CCBE1: variants seen among roughly 807,000 people sequenced by gnomAD.
The protein encoded by CCBE1 is collagen and calcium-binding EGF domain-containing protein 1.
A neutral mutation model predicts 50.0 loss-of-function variants in CCBE1; 37 were observed. The ratio of observed to expected loss-of-function variants is 0.74; its 90% CI spans 0.57 to 0.97. The LOEUF is 0.97. CCBE1 is among the 50% of genes least tolerant of loss of function. The pLI is 0.00. For synonymous variants in CCBE1, 234 were observed against 203.7 expected (o/e 1.15, Z -1.27); for missense variants, 538 against 523.8 (o/e 1.03, Z -0.26).
At chr18:59,461,620 C>G (rs747813997) in intron 5 of CCBE1, among the ~76,000 whole-genome samples, 13 of 151,748 alleles carry the variant, frequency 8.6e-5, no homozygotes, top group Non-Finnish European at 1.8e-4. Context: ...GGAGAGCACC[C>G]TTAGTAGAGT....
At chr18:59,648,134 A>T (rs541913038) in intron 2 of CCBE1, among the ~76,000 whole-genome samples, 2 of 152,370 alleles carry the variant, frequency 1.3e-5, no homozygotes, top group South Asian at 4.1e-4. Context: ...AAACACAGGG[A>T]GCTGTGGACC....
intron 5 of CCBE1, among the ~76,000 whole-genome samples, chr18:59,463,866 C>A (rs1911613835): frequency 6.6e-6 from 1 of 152,172 alleles, no homozygotes; most frequent in Non-Finnish European, 1.5e-5. Context: ...AATGGACTTG[C>A]CAGGCTGGGC....
At chr18:59,508,924 T>A (rs1261539623) in intron 2 of CCBE1, among the ~76,000 whole-genome samples, 1 of 152,116 alleles carries the variant, frequency 6.6e-6, no homozygotes, top group Non-Finnish European at 1.5e-5. Flanking sequence ...GCAACTTATA[T>A]TCAAGGCCAA....
chr18:59,622,713 A>T (rs1293538939), intron 2 of CCBE1, among the ~76,000 whole-genome samples: 1 of 151,462 alleles, frequency 6.6e-6, no homozygotes, highest in African/African-American at 2.4e-5. Flanking sequence ...AGGCAGGAGA[A>T]TCACTTGAAC....
chr18:59,677,081 A>G (rs911831726), intron 2 of CCBE1, among the ~76,000 whole-genome samples: 4 of 152,152 alleles, frequency 2.6e-5, no homozygotes, highest in East Asian at 1.9e-4. Context: ...AAGCCTGGGT[A>G]TTTTAAGGTT....
intron 2 of CCBE1, among the ~76,000 whole-genome samples, chr18:59,677,102 C>G (rs183141891): frequency 1.3e-5 from 2 of 152,228 alleles, no homozygotes; most frequent in Admixed American, 1.3e-4. Context: ...CAGGATCATA[C>G]CTTCTGCTAC....
At chr18:59,514,987 C>T (rs1393923961) in intron 2 of CCBE1, among the ~76,000 whole-genome samples, 1 of 152,184 alleles carries the variant, frequency 6.6e-6, no homozygotes, top group Non-Finnish European at 1.5e-5. Context: ...AGCTGAGAAG[C>T]AGGAAGCTCT....
chr18:59,492,347 T>C (rs149795168), intron 2 of CCBE1, among the ~76,000 whole-genome samples: 1 of 152,172 alleles, frequency 6.6e-6, no homozygotes, highest in East Asian at 1.9e-4. Context: ...CCCTTTTATC[T>C]ATGGTAACCG....
Position 59,657,330 on chromosome 18 carries a change from G to T in CCBE1, c.212+39299C>A, listed in dbSNP as rs569093656. ...GGCTGAACAGCCAGGGAATGCCAAG[G>T]CTGTGACTATAGACTGAAAAATTAC... On this transcript the variant is annotated intron_variant, in intron 2 of 10. Coordinates refer to ENST00000439986, the MANE Select transcript of CCBE1 (RefSeq NM_133459.4). Among the ~76,000 whole-genome samples, 472 of 152,256 alleles carry T rather than the reference G, an allele frequency of 3.1e-3. 2 individuals are homozygous for T. The highest frequency in any genetic ancestry group is 0.01 in the African/African-American group (434 of 41,550).
At chr18:59,687,560 C>A (rs1205738250) in intron 2 of CCBE1, among the ~76,000 whole-genome samples, 1 of 152,208 alleles carries the variant, frequency 6.6e-6, no homozygotes, top group Non-Finnish European at 1.5e-5. Context: ...AGACTGTTCT[C>A]TCCTTCTCCA....
intron 7 of CCBE1, among the ~76,000 whole-genome samples, chr18:59,444,321 T>C (rs1910577557): frequency 6.6e-6 from 1 of 152,074 alleles, no homozygotes; most frequent in Admixed American, 6.6e-5. Flanking sequence ...TATATACATT[T>C]TTTTTAGTTA....
chr18:59,435,841 C>G lies in CCBE1; in HGVS notation c.*67G>C. On this transcript the variant is annotated 3_prime_UTR_variant, in exon 11 of 11. Transcript: ENST00000439986. ...CTAGGTCTCCAGTGGTCTTTCTTCT[C>G]TTTAGATGGTTTAACTGCAGGTGAG... 7.1e-7 allele frequency: 1 copy of G among 1,402,754 alleles called. No individual in the cohort carries two copies. The highest frequency in any genetic ancestry group is 1.4e-5 in the African/African-American group (1 of 70,748). 86.9% of individuals were successfully genotyped at this position (1,402,754 alleles called of 1,614,324 possible).
chr18:59,559,162 T>C (rs552591306), intron 2 of CCBE1, among the ~76,000 whole-genome samples: 2 of 151,898 alleles, frequency 1.3e-5, no homozygotes, highest in Non-Finnish European at 2.9e-5. Context: ...TGGGAGGCAG[T>C]AGATGGGGTC....
At chr18:59,643,583 C>A (rs547607390) in intron 2 of CCBE1, among the ~76,000 whole-genome samples, 1 of 152,188 alleles carries the variant, frequency 6.6e-6, no homozygotes, top group Non-Finnish European at 1.5e-5. Flanking sequence ...TCACTTTAGG[C>A]CAGGAGTTCA....
intron 2 of CCBE1, among the ~76,000 whole-genome samples, chr18:59,658,392 TATATATATATATATATATATATATA>T: frequency 2.8e-5 from 1 of 35,810 alleles, no homozygotes; most frequent in African/African-American, 1.2e-4. Context: ...TATATATATA[TATATATATATATATATATATATATA>T]AAGTTAGCTA....
At chr18:59,521,414 CTTTG>C (rs766370950) in intron 2 of CCBE1, among the ~76,000 whole-genome samples, 13 of 152,212 alleles carry the variant, frequency 8.5e-5, no homozygotes, top group African/African-American at 1.9e-4. Context: ...TGAACACATT[CTTTG>C]TTTGTTTTTT....
At chr18:59,663,876 G>A (rs1322108757) in intron 2 of CCBE1, among the ~76,000 whole-genome samples, 1 of 152,132 alleles carries the variant, frequency 6.6e-6, no homozygotes, top group Non-Finnish European at 1.5e-5. Flanking sequence ...CTGGGAAGTT[G>A]GTGAAGTCAC....
chr18:59,522,451 TAAGAA>T (rs1914640626), intron 2 of CCBE1, among the ~76,000 whole-genome samples: 1 of 152,226 alleles, frequency 6.6e-6, no homozygotes, highest in African/African-American at 2.4e-5. Context: ...TAGACACATT[TAAGAA>T]AAGTTAATAA....
In CCBE1 at chr18:59,479,982, G is replaced by A. The variant is rs1789475; in HGVS notation, c.265+204C>T. Among the ~76,000 whole-genome samples the A allele has an allele frequency of 0.66, 101,168 of 152,142 alleles. 34,075 individuals are homozygous for A. The highest frequency in any genetic ancestry group is 0.84 in the East Asian group (4,377 of 5,186). Reference sequence around the variant, plus strand: ...TATAAGAATGACTCAATGTGTGCAAGCACATCATGTAATGATTCAGACACT... The same window carrying A: ...TATAAGAATGACTCAATGTGTGCAAACACATCATGTAATGATTCAGACACT... On this transcript the variant is annotated intron_variant, in intron 3 of 10. Coordinates refer to ENST00000439986, the MANE Select transcript of CCBE1 (RefSeq NM_133459.4).
Sources: allele counts gnomAD v4.1 joint callset (sites outside exome capture counted in the v4.1 genomes callset), GRCh38; gene constraint gnomAD v4.1.1; transcripts MANE v1.5; gene names NCBI Gene and HGNC (gene_info 2026-07-23, HGNC 2026-07-21).